The following ZNF793 variants were observed in gnomAD, a reference collection of about 807,000 sequenced individuals.
The protein encoded by ZNF793 is zinc finger protein 793.
In ZNF793, 5 loss-of-function variants were observed where a neutral mutation model predicts 12.4. The ratio of observed to expected loss-of-function variants is 0.40; its 90% CI spans 0.21 to 0.84. The LOEUF (loss-of-function observed/expected upper bound fraction) is 0.84, where lower values mean the gene tolerates loss of function less well. Among genes scored for constraint, ZNF793 ranks in the 40% least tolerant of loss-of-function variants. The probability of loss-of-function intolerance (pLI) is 0.35; values close to 1 mark genes in which losing one functional copy is unlikely to be tolerated. For synonymous variants in ZNF793, 162 were observed against 172.4 expected (o/e 0.94, Z 0.47); for missense variants, 456 against 495.0 (o/e 0.92, Z 0.75).
intron 7 of ZNF793, chr19:37,533,830 T>A (rs2042481903): frequency 3.1e-6 from 1 of 322,596 alleles, no homozygotes; most frequent in Non-Finnish European, 5.6e-6. Flanking sequence ...GAATTCCATG[T>A]TGGGGTGGGG....
At chr19:37,532,284 A>G (rs1042179610) in intron 5 of ZNF793, 72 bp from the exon 6 acceptor site, 11 of 1,542,686 alleles carry the variant, frequency 7.1e-6, no homozygotes, top group African/African-American at 1.4e-5. Context: ...GATTATAGGC[A>G]TGAGCCACCA....
intron 2 of ZNF793, among the ~76,000 whole-genome samples, chr19:37,516,928 G>A (rs2042337289): frequency 6.6e-6 from 1 of 152,172 alleles, no homozygotes; most frequent in South Asian, 2.1e-4. Flanking sequence ...TTACAGGCAT[G>A]AGCCACTGTG....
intron 3 of ZNF793, among the ~76,000 whole-genome samples, chr19:37,521,051 A>G (rs902930329): frequency 4.7e-5 from 7 of 148,758 alleles, no homozygotes; most frequent in African/African-American, 1.7e-4. Context: ...GCAGTGGCAC[A>G]TTCTCGGCTC....
chr19:37,516,613 A>ATT, intron 2 of ZNF793, among the ~76,000 whole-genome samples: 2 of 152,120 alleles, frequency 1.3e-5, no homozygotes, highest in Admixed American at 1.3e-4. Flanking sequence ...AGAGTGCCGG[A>ATT]CTGCAGGGCA....
intron 2 of ZNF793, among the ~76,000 whole-genome samples, chr19:37,514,643 A>T (rs2042317585): frequency 6.6e-6 from 1 of 151,600 alleles, no homozygotes; most frequent in South Asian, 2.1e-4. Context: ...AAAGGAATAC[A>T]CCATTACCCA....
rs1165903846 is a variant in ZNF793 at position 37,509,702 on chromosome 19, C to T, written c.-276+1299C>T. On this transcript the variant is annotated intron_variant, in intron 2 of 7. Coordinates refer to ENST00000627814, the MANE Select transcript of ZNF793 (RefSeq NM_001013659.3). Reference sequence around the variant, plus strand: ...CTATACTGTGCTCAGTGCCAGGTTTCAGAGCAAATAATTAAAAAGAAATTT... The same window carrying T: ...CTATACTGTGCTCAGTGCCAGGTTTTAGAGCAAATAATTAAAAAGAAATTT... Among the ~76,000 whole-genome samples the T allele has an allele frequency of 2.6e-5, 4 of 152,240 alleles. No individual in the cohort carries two copies. In the East Asian group the frequency reaches 5.8e-4, roughly 22 times the overall value.
At position 37,537,012 on chromosome 19, in the gene ZNF793, GT is replaced by G; in HGVS notation, c.357del (p.Phe119LeufsTer7). On this transcript the variant is annotated frameshift_variant, in exon 8 of 8. Transcript: ENST00000627814. LOFTEE classifies it low-confidence loss of function (END_TRUNC). ...PKEKSCEYNK[F>X]GKISLLSTDL... ...AGGAGAAAAGCTGTGAATATAATAA[GT>G]TTGGGAAAATATCACTTCTGAGCAC... The G allele has an allele frequency of 8.1e-6, 13 of 1,613,942 alleles. No individual in the cohort carries two copies. Among genetic ancestry groups the G allele is most frequent in the Non-Finnish European group, 1.1e-5 (13 of 1,179,858 alleles).
intron 2 of ZNF793, among the ~76,000 whole-genome samples, chr19:37,517,056 CT>C (rs1379444793): frequency 6.6e-6 from 1 of 152,136 alleles, no homozygotes; most frequent in African/African-American, 2.4e-5. Flanking sequence ...AGGAAGGGAA[CT>C]TTGTTTTTCA....
chr19:37,516,691 C>T (rs2042335235), intron 2 of ZNF793, among the ~76,000 whole-genome samples: 1 of 151,846 alleles, frequency 6.6e-6, no homozygotes, highest in Non-Finnish European at 1.5e-5. Flanking sequence ...CTGTCACCCA[C>T]ACTGGAGTAC....
chr19:37,506,931 C>T (rs533628625), upstream of ZNF793: 4 of 152,380 alleles, frequency 2.6e-5, no homozygotes, highest in East Asian at 7.7e-4. Flanking sequence ...TGAGTCTGCG[C>T]ACCGGCCATT....
chr19:37,532,699 A>G (rs1600420328), intron 6 of ZNF793, among the ~76,000 whole-genome samples: 1 of 152,064 alleles, frequency 6.6e-6, no homozygotes, highest in African/African-American at 2.4e-5. Flanking sequence ...GGCGCCTGTA[A>G]TCCCAGCTAC....
chr19:37,525,569 T>A (rs994185181), intron 5 of ZNF793, among the ~76,000 whole-genome samples: 1 of 151,786 alleles, frequency 6.6e-6, no homozygotes, highest in South Asian at 2.1e-4. Flanking sequence ...CCTAAGTAGC[T>A]GGGACTACAG....
chr19:37,537,620 G>C lies in ZNF793; in HGVS notation c.962G>C (p.Gly321Ala), dbSNP rs2042518343. ...FVCSECGKSFGEKSYLNVHRK... is the reference protein window; with the variant it reads ...FVCSECGKSFAEKSYLNVHRK... ...TGCAGTGAATGCGGGAAATCGTTTG[G>C]TGAGAAGTCATACCTCAATGTACAT... The change falls in exon 8 of 8, where the codon GGT becomes GCT. Residue 321 changes from glycine to alanine, a missense_variant. Transcript: ENST00000627814. 1 of 1,614,016 alleles carries C rather than the reference G, an allele frequency of 6.2e-7. No individual in the cohort carries two copies. Among genetic ancestry groups the C allele is most frequent in the Admixed American group, 1.7e-5 (1 of 59,996 alleles).
Position 37,539,014 on chromosome 19 carries a change from T to C in ZNF793, c.*1135T>C, listed in dbSNP as rs1178462667. ...AACTTTATTATACCAGCTACATTTT[T>C]CCACCTTTTTGTAATACATGTAAAT... On this transcript the variant is annotated 3_prime_UTR_variant, in exon 8 of 8. Transcript: ENST00000627814. The C allele has an allele frequency of 1.3e-5, 2 of 152,238 alleles. No individual in the cohort carries two copies. Among genetic ancestry groups the C allele is most frequent in the East Asian group, 3.8e-4 (2 of 5,202 alleles). 9.4% of individuals were successfully genotyped at this position (152,238 alleles called of 1,614,324 possible). A position where few individuals can be genotyped will look rare whatever the true frequency, so the allele number is the denominator to read the frequency against.
At chr19:37,536,302 G>C in intron 7 of ZNF793, 1 of 396,624 alleles carries the variant, frequency 2.5e-6, no homozygotes, top group Middle Eastern at 6.3e-4. Context: ...GAATCACCGG[G>C]GCATCTTGTT....
chr19:37,526,061 C>T (rs969524136), intron 5 of ZNF793, among the ~76,000 whole-genome samples: 1 of 152,086 alleles, frequency 6.6e-6, no homozygotes, highest in Non-Finnish European at 1.5e-5. Context: ...TCGGGCAGGC[C>T]GGGACCCTGA....
chr19:37,507,792 T>A (rs1481978146), intron 1 of ZNF793, among the ~76,000 whole-genome samples: 1 of 152,186 alleles, frequency 6.6e-6, no homozygotes, highest in Non-Finnish European at 1.5e-5. Flanking sequence ...TCACTGGCAA[T>A]CAGATCGGAT....
chr19:37,526,986 C>T (rs973991326), intron 5 of ZNF793, among the ~76,000 whole-genome samples: 6 of 152,150 alleles, frequency 3.9e-5, no homozygotes, highest in African/African-American at 9.7e-5. Flanking sequence ...CTCGCTCTGT[C>T]GCCCAGGCTG....
chr19:37,542,031 T>TAACAGCA lies in ZNF793; in HGVS notation c.*4152_*4153insAACAGCA, dbSNP rs2042555161. ...CATTTTTAGCTATCAGAACAAAAGATGTTACACACTGCTGGTGGAGAAATA... is the reference window on the plus strand; with the variant it reads ...CATTTTTAGCTATCAGAACAAAAGATAACAGCAGTTACACACTGCTGGTGGAGAAATA... On this transcript the variant is annotated 3_prime_UTR_variant, in exon 8 of 8. Coordinates refer to ENST00000627814, the MANE Select transcript of ZNF793 (RefSeq NM_001013659.3). 2 of 153,464 alleles carry TAACAGCA rather than the reference T, an allele frequency of 1.3e-5. No individual in the cohort carries two copies. The highest frequency in any genetic ancestry group is 2.9e-5 in the Non-Finnish European group (2 of 68,802). The allele number at this position is 153,464 out of a possible 1,614,324, so 9.5% of individuals were successfully genotyped here.
Sources: allele counts gnomAD v4.1 joint callset (sites outside exome capture counted in the v4.1 genomes callset), GRCh38; gene constraint gnomAD v4.1.1; transcripts MANE v1.5; gene names NCBI Gene and HGNC (gene_info 2026-07-23, HGNC 2026-07-21).